Variants in PDE4B observed in about 807,000 individuals in gnomAD.
PDE4B encodes the protein 3',5'-cyclic-AMP phosphodiesterase 4B.
In PDE4B, 20 loss-of-function variants were observed where a neutral mutation model predicts 82.2. That is an observed-to-expected ratio of 0.24 (90% CI 0.17 to 0.35). The LOEUF (loss-of-function observed/expected upper bound fraction) is 0.35, where lower values mean the gene tolerates loss of function less well. PDE4B is among the 10% of genes least tolerant of loss of function. The pLI is 1.00. For synonymous variants in PDE4B, 320 were observed against 318.9 expected (o/e 1.00, Z -0.04); for missense variants, 655 against 907.2 (o/e 0.72, Z 3.57).
chr1:66,027,893 T>C lies in PDE4B; in HGVS notation c.281+109058T>C, dbSNP rs566938360. On this transcript the variant is annotated intron_variant, in intron 3 of 16. Transcript: ENST00000341517. ...CTTTGCAGGGTACAGCCCTCCCTCCTGGCTGCTTTCACAGGTGGGTGTTGA... is the reference window on the plus strand; with the variant it reads ...CTTTGCAGGGTACAGCCCTCCCTCCCGGCTGCTTTCACAGGTGGGTGTTGA... Among the ~76,000 whole-genome samples, 3 of 152,326 alleles carry C rather than the reference T, an allele frequency of 2.0e-5. No homozygotes were observed. The South Asian group carries it at 6.2e-4, about 32-fold the overall frequency.
rs1040717 is a variant in PDE4B at position 66,301,225 on chromosome 1, G to T, written c.635-31283G>T. Among the ~76,000 whole-genome samples, 218 of 152,040 alleles carry T rather than the reference G, an allele frequency of 1.4e-3. 1 individual carries two copies. The highest frequency in any genetic ancestry group is 9.0e-3 in the Admixed American group (137 of 15,256). On this transcript the variant is annotated intron_variant, in intron 7 of 16. Transcript: ENST00000341517. ...ATGGGTAATTTTTAATAATTTAAGG[G>T]CTCTCATTTCTCATTATTTCAGAAA...
At chr1:66,117,782 A>G (rs1645626670) in intron 3 of PDE4B, among the ~76,000 whole-genome samples, 1 of 152,122 alleles carries the variant, frequency 6.6e-6, no homozygotes, top group African/African-American at 2.4e-5. Context: ...TCTTTTCTAT[A>G]TGTCATTATT....
intron 1 of PDE4B, among the ~76,000 whole-genome samples, chr1:65,872,243 C>G (rs1937463): frequency 0.18 from 27,169 of 152,094 alleles, 2,895 homozygotes; most frequent in South Asian, 0.38. Flanking sequence ...TTCCTGAAAT[C>G]ATTCTCAGGA....
At chr1:66,199,792 C>T (rs1281299255) in intron 3 of PDE4B, among the ~76,000 whole-genome samples, 2 of 152,202 alleles carry the variant, frequency 1.3e-5, no homozygotes, top group South Asian at 4.1e-4. Context: ...TCAAGAGGGA[C>T]TGCAGCAACA....
At chr1:66,050,071 T>A (rs891970113) in intron 3 of PDE4B, among the ~76,000 whole-genome samples, 2 of 152,046 alleles carry the variant, frequency 1.3e-5, no homozygotes, top group Non-Finnish European at 2.9e-5. Flanking sequence ...GATTCAGAGA[T>A]TCAGCATACG....
At chr1:65,923,764 G>A (rs1314673487) in intron 3 of PDE4B, among the ~76,000 whole-genome samples, 1 of 151,876 alleles carries the variant, frequency 6.6e-6, no homozygotes, top group African/African-American at 2.4e-5. Context: ...ATTGTTTTTT[G>A]TCTCTGGATT....
chr1:65,891,315 C>T (rs1646850849), intron 1 of PDE4B, among the ~76,000 whole-genome samples: 1 of 152,034 alleles, frequency 6.6e-6, no homozygotes, highest in Non-Finnish European at 1.5e-5. Context: ...GCTCTTTGTA[C>T]ATTTTATATG....
intron 3 of PDE4B, among the ~76,000 whole-genome samples, chr1:66,203,489 A>C (rs1649219202): frequency 6.6e-6 from 1 of 152,172 alleles, no homozygotes; most frequent in Admixed American, 6.5e-5. Flanking sequence ...TACACCAATC[A>C]GACGTAGATT....
intron 3 of PDE4B, among the ~76,000 whole-genome samples, chr1:66,158,655 C>T (rs930171641): frequency 2.6e-5 from 4 of 152,278 alleles, no homozygotes; most frequent in African/African-American, 9.6e-5. Flanking sequence ...TTTATTGCCG[C>T]ATTATTCACA....
In PDE4B at chr1:66,266,966, C is replaced by T. The variant is rs1655095686; in HGVS notation, c.634+879C>T. 4 of 209,728 alleles carry T rather than the reference C, an allele frequency of 1.9e-5. No homozygotes were observed. The South Asian group carries it at 2.4e-4, about 12-fold the overall frequency. 13.0% of individuals were successfully genotyped at this position (209,728 alleles called of 1,614,324 possible). ...TGCTTTTCTATTTCCAGCAGCGCTT[C>T]ATACTTAAAATCTTTCTCTCTTGGT... On this transcript the variant is annotated intron_variant, in intron 7 of 16. Transcript: ENST00000341517.
intron 3 of PDE4B, among the ~76,000 whole-genome samples, chr1:66,126,410 C>A (rs957106309): frequency 1.3e-5 from 2 of 152,074 alleles, no homozygotes; most frequent in Admixed American, 1.3e-4. Context: ...ACTCTATGTA[C>A]CCCCCTACAC....
chr1:65,849,556 A>G (rs1220542486), intron 1 of PDE4B, among the ~76,000 whole-genome samples: 1 of 152,138 alleles, frequency 6.6e-6, no homozygotes, highest in African/African-American at 2.4e-5. Context: ...GAATGTGTTT[A>G]ACAGGTGGCA....
At chr1:65,955,148 G>A (rs1276212800) in intron 3 of PDE4B, among the ~76,000 whole-genome samples, 2 of 152,096 alleles carry the variant, frequency 1.3e-5, no homozygotes, top group Non-Finnish European at 2.9e-5. Context: ...GCAGAATTGA[G>A]TAAATACTTT....
intron 7 of PDE4B, among the ~76,000 whole-genome samples, chr1:66,288,062 G>T (rs771123260): frequency 2.6e-5 from 4 of 152,068 alleles, no homozygotes; most frequent in Non-Finnish European, 5.9e-5. Flanking sequence ...AAGAAAAGAG[G>T]TTTCGTTGAC....
At chr1:66,069,560 TCTTTCCC>T (rs1656044725) in intron 3 of PDE4B, among the ~76,000 whole-genome samples, 1 of 152,056 alleles carries the variant, frequency 6.6e-6, no homozygotes, top group Non-Finnish European at 1.5e-5. Flanking sequence ...TACAGTTCTG[TCTTTCCC>T]AGTAGAGGTC....
chr1:66,135,965 C>T (rs1017513020), intron 3 of PDE4B, among the ~76,000 whole-genome samples: 1 of 152,296 alleles, frequency 6.6e-6, no homozygotes, highest in African/African-American at 2.4e-5. Flanking sequence ...CCAATGTAAT[C>T]TGGTATTGGG....
At chr1:66,189,004 T>G (rs1647472358) in intron 3 of PDE4B, among the ~76,000 whole-genome samples, 1 of 152,184 alleles carries the variant, frequency 6.6e-6, no homozygotes, top group African/African-American at 2.4e-5. Flanking sequence ...AGTGCTTCCT[T>G]CAGGAGCTCT....
At chr1:66,097,424 A>G (rs1389897993) in intron 3 of PDE4B, among the ~76,000 whole-genome samples, 1 of 152,104 alleles carries the variant, frequency 6.6e-6, no homozygotes, top group African/African-American at 2.4e-5. Context: ...AAATGTGTCA[A>G]TCAAATCTGT....
chr1:65,865,255 A>G (rs903709432), intron 1 of PDE4B, among the ~76,000 whole-genome samples: 1 of 152,162 alleles, frequency 6.6e-6, no homozygotes, highest in Admixed American at 6.5e-5. Context: ...TCCCAGGTAG[A>G]CTTCAGAGTG....
Sources: gnomAD v4.1 joint callset for allele counts (sites outside exome capture counted in the v4.1 genomes callset) on GRCh38, gnomAD v4.1.1 for gene constraint, MANE v1.5 for transcripts, NCBI Gene and HGNC (gene_info 2026-07-23, HGNC 2026-07-21) for gene names.